Variants in RIMS1 observed in about 807,000 individuals in gnomAD.
RIMS1 encodes regulating synaptic membrane exocytosis protein 1.
RIMS1 carries 83 observed loss-of-function variants against 214.1 expected under a neutral mutation model. The ratio of observed to expected loss-of-function variants is 0.39; its 90% CI spans 0.32 to 0.47. RIMS1 has a LOEUF of 0.47. Among genes scored for constraint, RIMS1 ranks in the 20% least tolerant of loss-of-function variants. The pLI, the probability that RIMS1 is intolerant of heterozygous loss-of-function variation, is 0.99. For missense variants in RIMS1, 2,050 were observed against 2,161.8 expected, an observed-to-expected ratio of 0.95 and a Z score of 1.03; for synonymous variants, 793 against 786.8, an observed-to-expected ratio of 1.01 and a Z score of -0.13.
At chr6:72,377,083 A>T (rs1048315703) in intron 29 of RIMS1, among the ~76,000 whole-genome samples, 4 of 152,182 alleles carry the variant, frequency 2.6e-5, no homozygotes, top group Admixed American at 2.6e-4. Context: ...CCTTGACAAA[A>T]ATATCTTTTT....
chr6:71,918,689 G>A (rs1415866786), intron 1 of RIMS1, among the ~76,000 whole-genome samples: 1 of 152,106 alleles, frequency 6.6e-6, no homozygotes, highest in African/African-American at 2.4e-5. Context: ...GTGTACAGAA[G>A]AAAGGGCATA....
chr6:72,394,338 A>G (rs1249362433), intron 31 of RIMS1, among the ~76,000 whole-genome samples: 1 of 151,790 alleles, frequency 6.6e-6, no homozygotes, highest in Non-Finnish European at 1.5e-5. Context: ...AGGTCTGTCT[A>G]AGAAATAAGA....
At chr6:72,011,840 GAGA>G (rs1477338356) in intron 2 of RIMS1, among the ~76,000 whole-genome samples, 1 of 152,214 alleles carries the variant, frequency 6.6e-6, no homozygotes, top group African/African-American at 2.4e-5. Context: ...ACAGGTGCTG[GAGA>G]AGATCTGGAG....
intron 1 of RIMS1, among the ~76,000 whole-genome samples, chr6:71,962,350 A>T (rs938194038): frequency 2.6e-5 from 4 of 152,150 alleles, no homozygotes; most frequent in Non-Finnish European, 4.4e-5. Context: ...CTTCAGGGGA[A>T]GGTCAACATT....
chr6:72,279,091 A>C (rs1392088307), intron 23 of RIMS1, among the ~76,000 whole-genome samples: 1 of 151,986 alleles, frequency 6.6e-6, no homozygotes, highest in Non-Finnish European at 1.5e-5. Context: ...CCTTTAATAA[A>C]ATTTTAGTAT....
chr6:72,324,890 A>C (rs988056429), intron 28 of RIMS1, among the ~76,000 whole-genome samples: 2 of 151,910 alleles, frequency 1.3e-5, no homozygotes, highest in African/African-American at 4.8e-5. Context: ...AATATTTACT[A>C]TCTGGCCCTT....
intron 17 of RIMS1, 144 bp from the exon 18 acceptor site, chr6:72,258,842 T>G (rs1590940750): frequency 2.6e-6 from 2 of 760,144 alleles, no homozygotes; most frequent in Non-Finnish European, 4.4e-6. Context: ...TACCCTTAAC[T>G]CATTGATAAG....
intron 2 of RIMS1, among the ~76,000 whole-genome samples, chr6:72,043,324 T>C (rs1234091571): frequency 6.6e-6 from 1 of 151,900 alleles, no homozygotes; most frequent in Non-Finnish European, 1.5e-5. Flanking sequence ...TTTATAGTTG[T>C]CATTTTTATC....
chr6:72,110,654 A>G (rs908568763), intron 4 of RIMS1, among the ~76,000 whole-genome samples: 1 of 150,578 alleles, frequency 6.6e-6, no homozygotes, highest in Non-Finnish European at 1.5e-5. Context: ...GCAAACAGGG[A>G]CAATTTGACT....
In RIMS1 at chr6:72,401,802, G is replaced by T. The variant is rs896142058; in HGVS notation, c.*1088G>T. Reference sequence around the variant, plus strand: ...CCCTGGAAAGAGCATGGTATGAGCTGTTCAATATTCCACTGGAAATTCCAG... The same window carrying T: ...CCCTGGAAAGAGCATGGTATGAGCTTTTCAATATTCCACTGGAAATTCCAG... On this transcript the variant is annotated 3_prime_UTR_variant, in exon 34 of 34. Transcript: ENST00000521978. 2 of 152,622 alleles carry T rather than the reference G, an allele frequency of 1.3e-5. No individual in the cohort carries two copies. The highest frequency in any genetic ancestry group is 6.6e-5 in the Admixed American group (1 of 15,264). The allele number at this position is 152,622 out of a possible 1,614,324, so 9.5% of individuals were successfully genotyped here.
intron 2 of RIMS1, among the ~76,000 whole-genome samples, chr6:72,060,438 A>G (rs1487027034): frequency 1.3e-5 from 2 of 152,028 alleles, no homozygotes; most frequent in Admixed American, 6.6e-5. Context: ...TCAGCTCCTC[A>G]TTGACTCTGT....
chr6:72,285,530 C>A (rs2091981247), intron 24 of RIMS1, among the ~76,000 whole-genome samples: 1 of 152,090 alleles, frequency 6.6e-6, no homozygotes, highest in South Asian at 2.1e-4. Context: ...AAATTTATTT[C>A]TGGACAGTGG....
intron 4 of RIMS1, among the ~76,000 whole-genome samples, chr6:72,105,930 TA>T (rs1407503029): frequency 3.9e-5 from 6 of 152,312 alleles, no homozygotes; most frequent in African/African-American, 1.2e-4. Flanking sequence ...GGTTTGAAGA[TA>T]TTTTTTAAAT....
intron 4 of RIMS1, among the ~76,000 whole-genome samples, chr6:72,121,879 T>G (rs141671640): frequency 6.6e-6 from 1 of 151,920 alleles, no homozygotes; most frequent in Non-Finnish European, 1.5e-5. Context: ...TTGAATTTTG[T>G]CGAAGGACTT....
At chr6:72,017,523 A>C (rs1037335544) in intron 2 of RIMS1, among the ~76,000 whole-genome samples, 1 of 152,220 alleles carries the variant, frequency 6.6e-6, no homozygotes, top group African/African-American at 2.4e-5. Flanking sequence ...AGGTAAAAAC[A>C]TTAGCATGGT....
rs201473375 is a variant in RIMS1 at position 72,183,004 on chromosome 6, G to A, written c.1533G>A (p.Pro511=). The A allele has an allele frequency of 9.0e-5, 144 of 1,592,874 alleles. 1 individual carries two copies. The Admixed American group carries it at 2.5e-3, about 27-fold the overall frequency. The part of the protein sequence containing the change: ...LSSDQSESVR[P]SPPKPHRSKR... The stretch of plus-strand genomic sequence containing the variant: ...CAGACCAGTCCGAGTCGGTGCGGCC[G>A]TCCCCGCCCAAGCCGCACCGGTCCA... The change falls in exon 6 of 34, where the codon CCG becomes CCA. Residue 511 remains proline (P), a synonymous_variant. Coordinates refer to ENST00000521978, the MANE Select transcript of RIMS1 (RefSeq NM_014989.7).
At chr6:72,314,068 G>C (rs182849315) in intron 28 of RIMS1, among the ~76,000 whole-genome samples, 5 of 152,290 alleles carry the variant, frequency 3.3e-5, no homozygotes, top group African/African-American at 4.8e-5. Context: ...ACATGGGTGT[G>C]TGTGTGTATG....
chr6:71,886,573 G>T lies in RIMS1; in HGVS notation c.-451G>T. 6.5e-6 allele frequency: 1 copy of T among 152,822 alleles called. No individual in the cohort carries two copies. Among genetic ancestry groups the T allele is most frequent in the South Asian group, 1.8e-4 (1 of 5,660 alleles). The allele number at this position is 152,822 out of a possible 1,614,324, so 9.5% of individuals were successfully genotyped here. A position where few individuals can be genotyped will look rare whatever the true frequency, so the allele number is the denominator to read the frequency against. ...CCAAATTGGAGGCAGCAGAGCCTGG[G>T]AGCAGCCTCCACGGCGGCAGCGGCC... On this transcript the variant is annotated 5_prime_UTR_variant, in exon 1 of 34. Transcript: ENST00000521978.
intron 29 of RIMS1, chr6:72,366,847 A>AT: frequency 1.0e-6 from 1 of 985,082 alleles, no homozygotes; most frequent in African/African-American, 1.7e-5. Flanking sequence ...CTGATACTTA[A>AT]TTTTTTCAAG....
Sources: gnomAD v4.1 joint callset for allele counts (sites outside exome capture counted in the v4.1 genomes callset) on GRCh38, gnomAD v4.1.1 for gene constraint, MANE v1.5 for transcripts, NCBI Gene and HGNC (gene_info 2026-07-23, HGNC 2026-07-21) for gene names.